CD81: variants seen among roughly 807,000 people sequenced by gnomAD.
CD81 encodes the protein CD81 antigen.
Under a neutral mutation model 30.1 loss-of-function variants are expected in CD81, and 10 were observed. The observed-to-expected ratio is 0.33, with a 90% confidence interval of 0.21 to 0.56. CD81 has a LOEUF of 0.56. CD81 is among the 20% of genes least tolerant of loss of function. The probability of loss-of-function intolerance (pLI) is 0.89; values close to 1 mark genes in which losing one functional copy is unlikely to be tolerated. For synonymous variants in CD81, 147 were observed against 126.4 expected, an observed-to-expected ratio of 1.16 and a Z score of -1.10; for missense variants, 263 against 308.7, an observed-to-expected ratio of 0.85 and a Z score of 1.11.
At chr11:2,379,046 G>T (rs1589844051) in intron 1 of CD81, 7 of 423,810 alleles carry the variant, frequency 1.7e-5, no homozygotes, top group Non-Finnish European at 3.4e-5. Flanking sequence ...CCCTGGCAGT[G>T]GGGGCAGCTA....
At position 2,378,666 on chromosome 11, in the gene CD81, G is replaced by A. The variant is rs1159303300; in HGVS notation, c.66+1051G>A. On this transcript the variant is annotated intron_variant, in intron 1 of 7. Coordinates refer to ENST00000263645, the MANE Select transcript of CD81 (RefSeq NM_004356.4). This position sits in a 1 kb window ranked among gnomAD's most constrained non-coding sequence, Gnocchi z 4.9. The stretch of plus-strand genomic sequence containing the variant: ...GACTGGAGTGGGTGTCCATGGCCGC[G>A]GCCTCCCCGTGGCCACGCCCCTGGG... 1.3e-5 allele frequency among the ~76,000 whole-genome samples: 2 copies of A among 152,174 alleles called. No homozygotes were observed. The highest frequency in any genetic ancestry group is 2.9e-5 in the Non-Finnish European group (2 of 68,022).
intron 6 of CD81, 93 bp downstream of exon 6, chr11:2,396,063 A>T: frequency 1.1e-5 from 6 of 568,106 alleles, no homozygotes; most frequent in Admixed American, 2.2e-5. Context: ...GCAGCCCCAC[A>T]GGGAGCGACC....
In CD81 at chr11:2,385,663, G is replaced by T. The variant is rs800130; in HGVS notation, c.67-4749G>T. 9.3e-3 allele frequency: 229 copies of T among 24,712 alleles called. 1 individual carries two copies. Among genetic ancestry groups the T allele is most frequent in the Non-Finnish European group, 0.017 (121 of 6,922 alleles). 1.5% of individuals were successfully genotyped at this position (24,712 alleles called of 1,614,324 possible). A position where few individuals can be genotyped will look rare whatever the true frequency, so the allele number is the denominator to read the frequency against. ...TGTGCACCCGTGCTGTGGTGTGCCC[G>T]TCGTCTGTGCACCCGTGCCGTGGCG... is the stretch of plus-strand genomic sequence containing the variant. On this transcript the variant is annotated intron_variant, in intron 1 of 7. Coordinates refer to ENST00000263645, the MANE Select transcript of CD81 (RefSeq NM_004356.4).
In CD81 at chr11:2,395,488, G is replaced by A. The variant is rs2133465190; in HGVS notation, c.427G>A (p.Ala143Thr). The A allele has an allele frequency of 3.7e-6, 6 of 1,612,672 alleles. No homozygotes were observed. The highest frequency in any genetic ancestry group is 4.2e-6 in the Non-Finnish European group (5 of 1,179,876). ...CGTGGTGGATGATGACGCCAACAAC[G>A]CCAAGGCTGTGGTGAAGACCTTCCA... ...QAVVDDDANNAKAVVKTFHET... is the reference protein window; with the variant it reads ...QAVVDDDANNTKAVVKTFHET... Residue 143 changes from alanine to threonine, a missense_variant, in exon 5 of 8, where the codon GCC becomes ACC. Physicochemically the swap from Ala to Thr is moderately conservative, Grantham distance 58. This residue lies in a region of CD81 where 176 missense variants were observed against 192.9 expected (regional missense o/e 0.91). Coordinates refer to ENST00000263645, the MANE Select transcript of CD81 (RefSeq NM_004356.4).
chr11:2,395,068 C>A, intron 4 of CD81, 22 bp downstream of exon 4: 1 of 1,600,918 alleles, frequency 6.2e-7, no homozygotes, highest in Non-Finnish European at 8.5e-7. Context: ...TGTGCAGGGA[C>A]AGGGTGGGGT....
Position 2,397,388 on chromosome 11 carries a change from A to G in CD81, c.*522A>G. The G allele has an allele frequency of 4.9e-6, 1 of 203,680 alleles. No individual in the cohort carries two copies. The highest frequency in any genetic ancestry group is 1.0e-5 in the Non-Finnish European group (1 of 98,330). The allele number at this position is 203,680 out of a possible 1,614,324, so 12.6% of individuals were successfully genotyped here. On this transcript the variant is annotated 3_prime_UTR_variant, in exon 8 of 8. Transcript: ENST00000263645. ...CGTCATTTAATAAAGAAGGAACATC[A>G]GGCATGCTACCAGGCCTGTGCAGTC...
intron 1 of CD81, chr11:2,390,034 C>A: frequency 2.7e-6 from 1 of 367,898 alleles, no homozygotes; most frequent in Admixed American, 3.7e-5. Context: ...CCTTGAACTT[C>A]AGATAAACAC....
chr11:2,396,392 GA>G, intron 6 of CD81: 2 of 606,348 alleles, frequency 3.3e-6, no homozygotes, highest in East Asian at 2.8e-5. Flanking sequence ...GATCTCAGTG[GA>G]AAAGGGCACA....
intron 1 of CD81, among the ~76,000 whole-genome samples, chr11:2,384,351 G>A (rs1849751308): frequency 7.2e-6 from 1 of 139,330 alleles, no homozygotes; most frequent in African/African-American, 2.7e-5. Context: ...GTCTCGGGAG[G>A]TGGGGTGGCT....
rs1240998545 is a variant in CD81, at chr11:2,385,555, TGTCTGTGCACCCGTGCTGTGGCGTGCCC to T, written c.67-4853_67-4826del. On this transcript the variant is annotated intron_variant, in intron 1 of 7. Coordinates refer to ENST00000263645, the MANE Select transcript of CD81 (RefSeq NM_004356.4). ...GTGCCCGTCGTCTGTGTGGCATGCC[TGTCTGTGCACCCGTGCTGTGGCGTGCCC>T]GTCGTCTGTGTGGCATGCCTGTCTG... 5 of 234,198 alleles carry T rather than the reference TGTCTGTGCACCCGTGCTGTGGCGTGCCC, an allele frequency of 2.1e-5. No individual in the cohort carries two copies. The African/African-American group carries it at 2.5e-4, about 12-fold the overall frequency. The allele number at this position is 234,198 out of a possible 1,614,324, so 14.5% of individuals were successfully genotyped here. A position where few individuals can be genotyped will look rare whatever the true frequency, so the allele number is the denominator to read the frequency against.
intron 6 of CD81, chr11:2,396,234 G>C (rs761916448): frequency 8.7e-6 from 5 of 577,948 alleles, no homozygotes; most frequent in South Asian, 1.9e-5. Flanking sequence ...CCAGCTCCAC[G>C]TGTGCACTCG....
chr11:2,385,950 T>A, intron 1 of CD81: 1 of 684,774 alleles, frequency 1.5e-6, no homozygotes, highest in Non-Finnish European at 2.7e-6. Context: ...GTGGTGAATG[T>A]GGGTTTCACT....
intron 6 of CD81, 60 bp downstream of exon 6, chr11:2,396,030 C>T: frequency 8.4e-7 from 1 of 1,190,820 alleles, no homozygotes; most frequent in Non-Finnish European, 1.2e-6. Flanking sequence ...TGGGTGGGGT[C>T]CTAGGGGTGG....
At chr11:2,381,130 C>A (rs1443500166) in intron 1 of CD81, among the ~76,000 whole-genome samples, 1 of 152,234 alleles carries the variant, frequency 6.6e-6, no homozygotes, top group Non-Finnish European at 1.5e-5. Context: ...CTGGCTCCCC[C>A]AGGCTGTCTG....
chr11:2,395,525 G>A lies in CD81; in HGVS notation c.459+5G>A, dbSNP rs772075353. ...GTGAAGACCTTCCACGAGACGGTGCGGCCCCGGGGGGCGAGGGCGGGGAGC... is the reference window on the plus strand; with the variant it reads ...GTGAAGACCTTCCACGAGACGGTGCAGCCCCGGGGGGCGAGGGCGGGGAGC... On this transcript the variant is annotated splice_donor_5th_base_variant and intron_variant, in intron 5 of 7. Coordinates refer to ENST00000263645, the MANE Select transcript of CD81 (RefSeq NM_004356.4). The A allele has an allele frequency of 1.7e-5, 28 of 1,609,862 alleles. No homozygotes were observed. The highest frequency in any genetic ancestry group is 2.2e-5 in the East Asian group (1 of 44,880).
In CD81 at chr11:2,395,921, A is replaced by G. The variant is rs1445309007; in HGVS notation, c.512A>G (p.Lys171Arg). The G allele has an allele frequency of 6.2e-7, 1 of 1,612,624 alleles. No individual in the cohort carries two copies. The change falls in exon 6 of 8, where the codon AAG (lysine) becomes AGG (arginine). Residue 171 changes from lysine to arginine, a missense_variant. Transcript: ENST00000263645. ...TLTALTTSVL[K>R]NNLCPSGSNI... ...ACTGCTTTGACCACCTCAGTGCTCA[A>G]GAACAATTTGTGTCCCTCGGGCAGC...
intron 1 of CD81, chr11:2,386,723 G>T: frequency 2.9e-6 from 2 of 690,754 alleles, no homozygotes; most frequent in South Asian, 1.5e-5. Context: ...TGGTAGCCTC[G>T]GGGACAGTTG....
At chr11:2,396,006 G>T in intron 6 of CD81, 36 bp downstream of exon 6, 1 of 1,405,624 alleles carries the variant, frequency 7.1e-7, no homozygotes. Flanking sequence ...CTGACCCCCC[G>T]CATGTCCCGC....
rs12293244 is a variant in CD81 at position 2,396,741 on chromosome 11, C to T, written c.648+27C>T. On this transcript the variant is annotated intron_variant, in intron 7 of 7. Coordinates refer to ENST00000263645, the MANE Select transcript of CD81 (RefSeq NM_004356.4). ...TGAGCGGGCGGGGGCGGAGGGCCTG[C>T]TCTCTGGGCTGCCCCTTCCGCGGGG... The T allele has an allele frequency of 0.022, 35,267 of 1,611,600 alleles. 2,434 individuals carry two copies. In the African/African-American group the frequency reaches 0.24, roughly 11 times the overall value.
Sources: allele counts gnomAD v4.1 joint callset (sites outside exome capture counted in the v4.1 genomes callset), GRCh38; gene constraint gnomAD v4.1.1; regional missense constraint gnomAD v4.1.1; non-coding constraint Gnocchi (gnomAD v3.1); transcripts MANE v1.5; gene names NCBI Gene and HGNC (gene_info 2026-07-23, HGNC 2026-07-21).